Variants in NEBL observed in about 807,000 individuals in gnomAD.
The protein encoded by NEBL is nebulette.
Under a neutral mutation model 140.2 loss-of-function variants are expected in NEBL, and 122 were observed. That is an observed-to-expected ratio of 0.87 (90% CI 0.75 to 1.01). The LOEUF is 1.01. Among genes scored for constraint, NEBL ranks in the 50% least tolerant of loss-of-function variants. The pLI, the probability that NEBL is intolerant of heterozygous loss-of-function variation, is 0.00. For synonymous variants in NEBL, 436 were observed against 398.9 expected, an observed-to-expected ratio of 1.09 and a Z score of -1.11; for missense variants, 1,365 against 1,231.3, an observed-to-expected ratio of 1.11 and a Z score of -1.62.
At chr10:21,241,971 G>A (rs141133698) in intron 3 of NEBL, among the ~76,000 whole-genome samples, 3,330 of 152,306 alleles carry the variant, frequency 0.022, 54 homozygotes, top group Middle Eastern at 0.054. Context: ...GGAGGCTGAG[G>A]TGTGTGGATC....
At chr10:20,886,541 T>C (rs1484521864) in intron 4 of NEBL, among the ~76,000 whole-genome samples, 2 of 140,562 alleles carry the variant, frequency 1.4e-5, no homozygotes, top group Non-Finnish European at 3.3e-5. Context: ...AAAAAGAAAT[T>C]CTGGGGAAAG....
chr10:20,847,856 A>G (rs1842095328), intron 11 of NEBL, among the ~76,000 whole-genome samples: 1 of 152,240 alleles, frequency 6.6e-6, no homozygotes, highest in African/African-American at 2.4e-5. Flanking sequence ...CATTAGAATT[A>G]GAGACAAGGT....
At chr10:20,836,641 G>A (rs189003345) in intron 13 of NEBL, among the ~76,000 whole-genome samples, 3 of 152,232 alleles carry the variant, frequency 2.0e-5, no homozygotes, top group Admixed American at 6.5e-5. Flanking sequence ...CAGAAGTTCC[G>A]GCAGTTTGCA....
chr10:21,288,851 A>ATATATATATATATAT (rs1337610393), intron 1 of NEBL, among the ~76,000 whole-genome samples: 55 of 32,086 alleles, frequency 1.7e-3, no homozygotes, highest in East Asian at 4.8e-3. Context: ...TATATATATA[A>ATATATATATATATAT]AAATTTTTTT....
At chr10:20,803,047 T>G (rs1837269546) in intron 26 of NEBL, among the ~76,000 whole-genome samples, 1 of 152,064 alleles carries the variant, frequency 6.6e-6, no homozygotes, top group African/African-American at 2.4e-5. Context: ...CAGTTCAGGG[T>G]TCCGGCCACC....
intron 2 of NEBL, among the ~76,000 whole-genome samples, chr10:21,077,699 G>T (rs1589212738): frequency 6.6e-6 from 1 of 152,088 alleles, no homozygotes; most frequent in Non-Finnish European, 1.5e-5. Context: ...ATGGTCTGTT[G>T]GTTCCTGATA....
chr10:20,920,882 C>T (rs1188825855), intron 4 of NEBL, among the ~76,000 whole-genome samples: 1 of 152,106 alleles, frequency 6.6e-6, no homozygotes, highest in Non-Finnish European at 1.5e-5. Flanking sequence ...TAATTATACA[C>T]ACACATTTTA....
chr10:20,960,744 T>A (rs1193857480), intron 4 of NEBL, among the ~76,000 whole-genome samples: 2 of 151,982 alleles, frequency 1.3e-5, no homozygotes, highest in Non-Finnish European at 2.9e-5. Flanking sequence ...TATACATACA[T>A]CTCATGATGA....
intron 2 of NEBL, among the ~76,000 whole-genome samples, chr10:21,149,984 GT>G (rs930901033): frequency 2.6e-5 from 4 of 152,074 alleles, no homozygotes; most frequent in African/African-American, 9.7e-5. Context: ...AACAGTTTGT[GT>G]TTTTTCCACT....
At chr10:20,899,745 C>T (rs1847769159), upstream of NEBL, 2 of 227,906 alleles carry the variant, frequency 8.8e-6, no homozygotes, top group African/African-American at 4.6e-5. Context: ...TTATGCCAGG[C>T]ACTGTGCTTG....
intron 4 of NEBL, among the ~76,000 whole-genome samples, chr10:20,912,187 T>C (rs1253113187): frequency 1.3e-5 from 2 of 152,240 alleles, no homozygotes; most frequent in Non-Finnish European, 2.9e-5. Context: ...CTATTTTTTA[T>C]ATTGCTTCTG....
chr10:21,026,224 G>A (rs1019927181), intron 2 of NEBL, among the ~76,000 whole-genome samples: 3 of 152,128 alleles, frequency 2.0e-5, no homozygotes, highest in African/African-American at 7.2e-5. Flanking sequence ...GGCAACGTCC[G>A]GAGACATTTC....
intron 2 of NEBL, among the ~76,000 whole-genome samples, chr10:21,106,550 T>A (rs529276617): frequency 1.3e-5 from 2 of 152,332 alleles, no homozygotes; most frequent in East Asian, 3.9e-4. Context: ...TCTATATATC[T>A]GTTTTGGTAC....
intron 2 of NEBL, among the ~76,000 whole-genome samples, chr10:21,078,250 T>C (rs927361967): frequency 4.6e-5 from 7 of 152,248 alleles, no homozygotes; most frequent in African/African-American, 1.7e-4. Flanking sequence ...TGAAATGGAT[T>C]TTTCTGTATC....
intron 1 of NEBL, among the ~76,000 whole-genome samples, chr10:21,255,013 G>A (rs935560054): frequency 6.6e-6 from 1 of 152,132 alleles, no homozygotes; most frequent in Non-Finnish European, 1.5e-5. Context: ...TGATGTAGCT[G>A]GAGTTCTCTG....
chr10:20,897,629 C>T (rs773211709), upstream of NEBL: 121 of 761,540 alleles, frequency 1.6e-4, no homozygotes, highest in South Asian at 9.2e-4. Context: ...CCTGTTATCT[C>T]AAAGATTCCT....
At chr10:21,104,943 C>T (rs61851468) in intron 2 of NEBL, among the ~76,000 whole-genome samples, 16,119 of 152,156 alleles carry the variant, frequency 0.11, 901 homozygotes, top group South Asian at 0.14. Context: ...ATTGATGTTG[C>T]GCATAGTAAA....
At chr10:21,251,649 T>C (rs768828835) in intron 2 of NEBL, among the ~76,000 whole-genome samples, 19 of 152,136 alleles carry the variant, frequency 1.2e-4, no homozygotes, top group Non-Finnish European at 2.1e-4. Context: ...GTAATGGCAT[T>C]TGGAAGTAGG....
chr10:21,055,441 T>C (rs990376893), intron 2 of NEBL, among the ~76,000 whole-genome samples: 2 of 152,264 alleles, frequency 1.3e-5, no homozygotes, highest in East Asian at 3.9e-4. Flanking sequence ...TTGGTGTCAA[T>C]GCTGTATTGA....
Sources: gnomAD v4.1 joint callset for allele counts (sites outside exome capture counted in the v4.1 genomes callset) on GRCh38, gnomAD v4.1.1 for gene constraint, MANE v1.5 for transcripts, NCBI Gene and HGNC (gene_info 2026-07-23, HGNC 2026-07-21) for gene names.